ZNF701: variants seen among roughly 807,000 people sequenced by gnomAD.
ZNF701 encodes zinc finger protein 701.
A neutral mutation model predicts 7.1 loss-of-function variants in ZNF701; 6 were observed. That is an observed-to-expected ratio of 0.84 (90% CI 0.46 to 1.66). The LOEUF is 1.66. Ranked by LOEUF, ZNF701 falls within the 40% of genes most tolerant of loss-of-function variation. The pLI is 0.01. For missense variants in ZNF701, 541 were observed against 559.2 expected (o/e 0.97, Z 0.33); for synonymous variants, 166 against 188.2 (o/e 0.88, Z 0.97).
chr19:52,587,607 G>C (rs1400703460), downstream of ZNF701, among the ~76,000 whole-genome samples: 1 of 152,214 alleles, frequency 6.6e-6, no homozygotes, highest in Non-Finnish European at 1.5e-5. Flanking sequence ...TGCCTGTTCT[G>C]TGTGATTCTT....
Position 52,585,804 on chromosome 19 carries a change from C to T in ZNF701, c.*2347C>T, listed in dbSNP as rs2060007562. 1 of 152,210 alleles carries T rather than the reference C, an allele frequency of 6.6e-6. No homozygotes were observed. The highest frequency in any genetic ancestry group is 2.4e-5 in the African/African-American group (1 of 41,452). 9.4% of individuals were successfully genotyped at this position (152,210 alleles called of 1,614,324 possible). Reference sequence around the variant, plus strand: ...GCCTGAGGCCAGAGCAGATGGGTGCCCTATGCAGATGAAGGGGTGGCCGGT... The same window carrying T: ...GCCTGAGGCCAGAGCAGATGGGTGCTCTATGCAGATGAAGGGGTGGCCGGT... On this transcript the variant is annotated 3_prime_UTR_variant, in exon 4 of 4. Coordinates refer to ENST00000391785, the MANE Select transcript of ZNF701 (RefSeq NM_018260.3).
intron 1 of ZNF701, among the ~76,000 whole-genome samples, chr19:52,571,829 G>A (rs1173112036): frequency 6.6e-6 from 1 of 151,462 alleles, no homozygotes; most frequent in East Asian, 1.9e-4. Flanking sequence ...AACCCTTTTT[G>A]GTTTTTTTTT....
chr19:52,598,388 G>A, the ZNF701 span, among the ~76,000 whole-genome samples: 2 of 152,144 alleles, frequency 1.3e-5, no homozygotes, highest in South Asian at 2.1e-4. Flanking sequence ...TCACGCATCC[G>A]GCAGGCGGGG....
chr19:52,574,802 CAGT>C (rs551790264), intron 2 of ZNF701, among the ~76,000 whole-genome samples: 13 of 152,076 alleles, frequency 8.5e-5, no homozygotes, highest in Non-Finnish European at 1.6e-4. Context: ...CTGATGGAGA[CAGT>C]GGTGTTACTG....
At chr19:52,589,473 G>T (rs2060028053), downstream of ZNF701, among the ~76,000 whole-genome samples, 1 of 142,524 alleles carries the variant, frequency 7.0e-6, no homozygotes, top group Non-Finnish European at 1.5e-5. Context: ...TCTTTCACAT[G>T]CCTGCTTTTT....
At chr19:52,581,029 A>G (rs2059971878) in intron 3 of ZNF701, among the ~76,000 whole-genome samples, 1 of 152,060 alleles carries the variant, frequency 6.6e-6, no homozygotes, top group Non-Finnish European at 1.5e-5. Context: ...GAGGCTGAGC[A>G]AAGAGACTTG....
chr19:52,581,440 G>A (rs1022893936), intron 3 of ZNF701, among the ~76,000 whole-genome samples: 1 of 151,932 alleles, frequency 6.6e-6, no homozygotes, highest in Non-Finnish European at 1.5e-5. Flanking sequence ...GGCTGGTCTC[G>A]AACTCCTGAC....
At position 52,583,090 on chromosome 19, in the gene ZNF701, A is replaced by G. The variant is rs761608832; in HGVS notation, c.1031A>G (p.His344Arg). The change falls in exon 4 of 4, where the codon CAT (histidine) becomes CGT (arginine). Residue 344 changes from histidine (H) to arginine (R), a missense_variant. His to Arg is a conservative substitution (Grantham distance 29, BLOSUM62 0). Coordinates refer to ENST00000391785, the MANE Select transcript of ZNF701 (RefSeq NM_018260.3). ...AGTCGCAAATCACACCTTGAAAGAC[A>G]TAGGAGAATTCACACTGGAGAGAAA... is the stretch of plus-strand genomic sequence containing the variant. ...VFSRKSHLER[H>R]RRIHTGEKPY... 2 of 1,613,418 alleles carry G rather than the reference A, an allele frequency of 1.2e-6. No individual in the cohort carries two copies. The highest frequency in any genetic ancestry group is 1.7e-5 in the Admixed American group (1 of 60,010).
intron 3 of ZNF701, among the ~76,000 whole-genome samples, chr19:52,580,162 C>G (rs1215761786): frequency 6.9e-6 from 1 of 144,740 alleles, no homozygotes; most frequent in East Asian, 2.0e-4. Flanking sequence ...CCAGGATGGT[C>G]TCAATCTCCT....
chr19:52,592,204 A>C, the ZNF701 span: 1 of 1,576,710 alleles, frequency 6.3e-7, no homozygotes. Context: ...GATGTTGGAG[A>C]ACTACAGGAA....
At chr19:52,596,331 A>G in the ZNF701 span, 1 of 403,220 alleles carries the variant, frequency 2.5e-6, no homozygotes, top group Non-Finnish European at 4.9e-6. Context: ...TCATCCCTTC[A>G]GTGTCATCAT....
intron 3 of ZNF701, among the ~76,000 whole-genome samples, chr19:52,578,461 G>C (rs1305604675): frequency 3.9e-5 from 6 of 152,102 alleles, no homozygotes; most frequent in African/African-American, 1.4e-4. Context: ...GCACCCAGCT[G>C]TTTGGGGCCA....
downstream of ZNF701, among the ~76,000 whole-genome samples, chr19:52,588,018 C>T (rs1226141249): frequency 6.6e-6 from 1 of 152,148 alleles, no homozygotes; most frequent in Admixed American, 6.5e-5. Context: ...TGGACTTTTC[C>T]ATCAGGGGAG....
intron 2 of ZNF701, among the ~76,000 whole-genome samples, chr19:52,575,212 A>G (rs1046446729): frequency 6.6e-6 from 1 of 151,610 alleles, no homozygotes; most frequent in African/African-American, 2.4e-5. Context: ...CTTGTGATCC[A>G]CCCGCCTCAG....
At position 52,582,638 on chromosome 19, in the gene ZNF701, G is replaced by T. The variant is rs1159545670; in HGVS notation, c.579G>T (p.Arg193Ser). 1.2e-6 allele frequency: 2 copies of T among 1,614,034 alleles called. No homozygotes were observed. ...RPKTRISNKY[R>S]NNFLQSSLLT... ...AAACTCGTATTTCTAATAAGTATAGGAATAATTTCCTCCAGTCTTCATTAC... is the reference window on the plus strand; with the variant it reads ...AAACTCGTATTTCTAATAAGTATAGTAATAATTTCCTCCAGTCTTCATTAC... Residue 193 changes from arginine (R) to serine (S), a missense_variant, in exon 4 of 4, where the codon AGG becomes AGT. By Grantham distance (110) the Arg-to-Ser change is moderately radical. Transcript: ENST00000391785.
chr19:52,595,852 T>A, the ZNF701 span: 2 of 1,612,610 alleles, frequency 1.2e-6, no homozygotes, highest in Non-Finnish European at 1.7e-6. Context: ...CAGACTGACG[T>A]GATCAAAGAC....
At position 52,586,616 on chromosome 19, in the gene ZNF701, T is replaced by G. The variant is rs927219289; in HGVS notation, c.*3159T>G. 6.6e-6 allele frequency: 1 copy of G among 152,110 alleles called. No homozygotes were observed. The highest frequency in any genetic ancestry group is 2.4e-5 in the African/African-American group (1 of 41,436). 9.4% of individuals were successfully genotyped at this position (152,110 alleles called of 1,614,324 possible). A position where few individuals can be genotyped will look rare whatever the true frequency, so the allele number is the denominator to read the frequency against. On this transcript the variant is annotated 3_prime_UTR_variant, in exon 4 of 4. Coordinates refer to ENST00000391785, the MANE Select transcript of ZNF701 (RefSeq NM_018260.3). ...CTGTTGACCCTTCCTGGCCATCACATGAAAATCAGCGACTCTTCCTTCTTA... is the reference window on the plus strand; with the variant it reads ...CTGTTGACCCTTCCTGGCCATCACAGGAAAATCAGCGACTCTTCCTTCTTA...
downstream of ZNF701, chr19:52,592,104 A>T (rs2060039273): frequency 7.4e-6 from 8 of 1,084,950 alleles, no homozygotes; most frequent in African/African-American, 4.7e-5. Context: ...CATTTTAGGG[A>T]CACTAGACTT....
At chr19:52,591,779 C>G (rs1418770488), downstream of ZNF701, among the ~76,000 whole-genome samples, 1 of 152,184 alleles carries the variant, frequency 6.6e-6, no homozygotes, top group Non-Finnish European at 1.5e-5. Flanking sequence ...TGGTCTCAAA[C>G]TCCTCAAGTC....
Sources: gnomAD v4.1 joint callset for allele counts (sites outside exome capture counted in the v4.1 genomes callset) on GRCh38, gnomAD v4.1.1 for gene constraint, MANE v1.5 for transcripts, NCBI Gene and HGNC (gene_info 2026-07-23, HGNC 2026-07-21) for gene names.